The following APOBEC3C variants were observed in gnomAD, a reference collection of about 807,000 sequenced individuals.
APOBEC3C encodes the protein apolipoprotein B mRNA editing enzyme catalytic subunit 3C, also known as DNA dC->dU-editing enzyme APOBEC-3C.
A neutral mutation model predicts 20.6 loss-of-function variants in APOBEC3C; 14 were observed. The observed-to-expected ratio is 0.68, with a 90% confidence interval of 0.45 to 1.06. The LOEUF (loss-of-function observed/expected upper bound fraction) is 1.06. Among genes scored for constraint, APOBEC3C ranks in the 50% least tolerant of loss-of-function variants. The pLI is 0.00. For synonymous variants in APOBEC3C, 98 were observed against 88.8 expected (o/e 1.10, Z -0.58); for missense variants, 244 against 241.9 (o/e 1.01, Z -0.06).
In APOBEC3C at chr22:39,014,270, C is replaced by A; in HGVS notation, c.-93C>A. ...CCCTGGGAGGTCACTTTAAAGAGGG[C>A]TGCTCAACTGCAAGGACGCTGTAAG... On this transcript the variant is annotated 5_prime_UTR_variant, in exon 1 of 4. It adds an upstream start codon to the 5' untranslated region. Coordinates refer to ENST00000361441, the MANE Select transcript of APOBEC3C (RefSeq NM_014508.3). The A allele has an allele frequency of 1.3e-6, 2 of 1,533,122 alleles. No homozygotes were observed. The highest frequency in any genetic ancestry group is 1.8e-6 in the Non-Finnish European group (2 of 1,107,614). 95.0% of individuals were successfully genotyped at this position (1,533,122 alleles called of 1,614,324 possible). A position where few individuals can be genotyped will look rare whatever the true frequency, so the allele number is the denominator to read the frequency against.
chr22:39,015,872 C>CTTT, intron 2 of APOBEC3C, 121 bp downstream of exon 2: 2 of 724,914 alleles, frequency 2.8e-6, no homozygotes, highest in Non-Finnish European at 4.0e-6. Flanking sequence ...TGCCACATTT[C>CTTT]TATTTTTTTT....
rs770463545 is a variant in APOBEC3C, at chr22:39,017,999, C to T, written c.408C>T (p.Arg136=). ...FQYPCYQEGL[R]SLSQEGVAVE... is the part of the protein sequence containing the mutation. ...ATCCATGTTACCAGGAGGGGCTCCG[C>T]AGCCTGAGTCAGGAAGGGGTCGCTG... The change falls in exon 3 of 4, where the codon CGC becomes CGT. Residue 136 remains arginine, a synonymous_variant. Transcript: ENST00000361441. 11 of 1,614,048 alleles carry T rather than the reference C, an allele frequency of 6.8e-6. No homozygotes were observed. The highest frequency in any genetic ancestry group is 3.3e-4 in the Middle Eastern group (2 of 6,084).
In APOBEC3C at chr22:39,017,998, G is replaced by A. The variant is rs138675963; in HGVS notation, c.407G>A (p.Arg136His). 5.6e-6 allele frequency: 9 copies of A among 1,614,040 alleles called. No homozygotes were observed. The highest frequency in any genetic ancestry group is 2.2e-5 in the East Asian group (1 of 44,888). ...FQYPCYQEGL[R>H]SLSQEGVAVE... ...TATCCATGTTACCAGGAGGGGCTCC[G>A]CAGCCTGAGTCAGGAAGGGGTCGCT... is the stretch of plus-strand genomic sequence containing the variant. Residue 136 changes from arginine to histidine, a missense_variant, in exon 3 of 4, where the codon CGC becomes CAC. By Grantham distance (29) the Arg-to-His change is conservative. Transcript: ENST00000361441.
intron 1 of APOBEC3C, among the ~76,000 whole-genome samples, chr22:39,015,379 GA>G (rs1924742228): frequency 6.6e-6 from 1 of 151,930 alleles, no homozygotes; most frequent in Non-Finnish European, 1.5e-5. Context: ...CCAGCTAGGA[GA>G]GGTCACCCCG....
At chr22:39,015,864 C>T in intron 2 of APOBEC3C, 113 bp downstream of exon 2, 2 of 933,898 alleles carry the variant, frequency 2.1e-6, no homozygotes, top group Non-Finnish European at 3.0e-6. Context: ...CACTTTCCTG[C>T]CACATTTCTA....
At chr22:39,018,169 C>T in intron 3 of APOBEC3C, 100 bp from the exon 4 acceptor site, 2 of 1,568,352 alleles carry the variant, frequency 1.3e-6, no homozygotes, top group Non-Finnish European at 1.7e-6. Context: ...CCAGCGCCCA[C>T]TGCAACTGGC....
At chr22:39,017,234 A>T (rs988034957) in intron 2 of APOBEC3C, among the ~76,000 whole-genome samples, 3 of 152,138 alleles carry the variant, frequency 2.0e-5, no homozygotes, top group Non-Finnish European at 4.4e-5. Flanking sequence ...TCCATCTTTG[A>T]AAAAAATAAA....
At position 39,017,780 on chromosome 22, in the gene APOBEC3C, C is replaced by T. The variant is rs1272081828; in HGVS notation, c.189C>T (p.Thr63=). ...TCCTTCGCCAGGTGGATTCTGAGACCCATTGTCATGCAGAAAGGTGCTTCC... is the reference window on the plus strand; with the variant it reads ...TCCTTCGCCAGGTGGATTCTGAGACTCATTGTCATGCAGAAAGGTGCTTCC... ...GVFRNQVDSE[T]HCHAERCFLS... is the part of the protein sequence containing the mutation. The change falls in exon 3 of 4, where the codon ACC becomes ACT. Residue 63 remains threonine, a synonymous_variant. Coordinates refer to ENST00000361441, the MANE Select transcript of APOBEC3C (RefSeq NM_014508.3). The T allele has an allele frequency of 6.2e-7, 1 of 1,613,192 alleles. No homozygotes were observed. The highest frequency in any genetic ancestry group is 8.5e-7 in the Non-Finnish European group (1 of 1,179,310).
At position 39,018,420 on chromosome 22, in the gene APOBEC3C, C is replaced by G. The variant is rs769474230; in HGVS notation, c.*33C>G. 1.9e-6 allele frequency: 3 copies of G among 1,604,768 alleles called. No homozygotes were observed. The highest frequency in any genetic ancestry group is 3.4e-5 in the Admixed American group (2 of 58,934). On this transcript the variant is annotated 3_prime_UTR_variant, in exon 4 of 4. Coordinates refer to ENST00000361441, the MANE Select transcript of APOBEC3C (RefSeq NM_014508.3). ...CCCTGGGCCTCATGGTCTGTCTCCT[C>G]TAGCCTCCTGCTCATGCTGCACGGG...
rs1322275584 is a variant in APOBEC3C at position 39,018,653 on chromosome 22, T to C, written c.*266T>C. On this transcript the variant is annotated 3_prime_UTR_variant, in exon 4 of 4. Transcript: ENST00000361441. ...CAGCCTGCGTGCCCCTAACCTGGCT[T>C]TTCCCATCTCCCCAGCATAACCAAA... The C allele has an allele frequency of 9.3e-6, 3 of 323,326 alleles. No individual in the cohort carries two copies. Among genetic ancestry groups the C allele is most frequent in the Non-Finnish European group, 1.7e-5 (3 of 173,816 alleles). The allele number at this position is 323,326 out of a possible 1,614,324, so 20.0% of individuals were successfully genotyped here. A position where few individuals can be genotyped will look rare whatever the true frequency, so the allele number is the denominator to read the frequency against.
At chr22:39,014,740 A>C (rs984176819) in intron 1 of APOBEC3C, among the ~76,000 whole-genome samples, 1 of 152,212 alleles carries the variant, frequency 6.6e-6, no homozygotes, top group Non-Finnish European at 1.5e-5. Context: ...TGATTTGAGC[A>C]ATCAGGCATT....
chr22:39,016,518 C>G, intron 2 of APOBEC3C, among the ~76,000 whole-genome samples: 1 of 151,794 alleles, frequency 6.6e-6, no homozygotes, highest in East Asian at 1.9e-4. Flanking sequence ...TGCCCGGCCT[C>G]CCCACATTTT....
intron 1 of APOBEC3C, among the ~76,000 whole-genome samples, chr22:39,014,677 G>A (rs994348623): frequency 1.3e-5 from 2 of 152,208 alleles, no homozygotes; most frequent in Non-Finnish European, 2.9e-5. Flanking sequence ...CTTCCTCTGT[G>A]TGCTTCCCAC....
chr22:39,017,684 C>G, intron 2 of APOBEC3C, 82 bp from the exon 3 acceptor site: 1 of 1,522,112 alleles, frequency 6.6e-7, no homozygotes, highest in Middle Eastern at 1.8e-4. Context: ...TCCAGGCCCG[C>G]CCTCTGCTCC....
intron 3 of APOBEC3C, 21 bp downstream of exon 3, chr22:39,018,066 G>T (rs773788684): frequency 6.2e-7 from 1 of 1,612,574 alleles, no homozygotes; most frequent in East Asian, 2.2e-5. Flanking sequence ...GGGGGCTGAG[G>T]AGAGTGGGTG....
chr22:39,019,374 CCTT>C lies in APOBEC3C; in HGVS notation c.*990_*992del, dbSNP rs1924933243. On this transcript the variant is annotated 3_prime_UTR_variant, in exon 4 of 4. Transcript: ENST00000361441. ...TTACATAGGGCAAGAGAACATTTCT[CCTT>C]CTATAATTGCCATCTCTTTGCTCTC... The C allele has an allele frequency of 6.6e-6, 1 of 152,226 alleles. No individual in the cohort carries two copies. The highest frequency in any genetic ancestry group is 1.5e-5 in the Non-Finnish European group (1 of 68,046). 9.4% of individuals were successfully genotyped at this position (152,226 alleles called of 1,614,324 possible).
rs201038131 is a variant in APOBEC3C at position 39,017,997 on chromosome 22, C to G, written c.406C>G (p.Arg136Gly). 5 of 1,613,992 alleles carry G rather than the reference C, an allele frequency of 3.1e-6. No homozygotes were observed. The highest frequency in any genetic ancestry group is 4.2e-6 in the Non-Finnish European group (5 of 1,180,030). The change falls in exon 3 of 4, where the codon CGC becomes GGC. Residue 136 changes from arginine (R) to glycine (G), a missense_variant. Arg to Gly is a moderately radical substitution (Grantham distance 125). Transcript: ENST00000361441. Reference protein sequence around the residue: ...FQYPCYQEGLRSLSQEGVAVE... With the variant: ...FQYPCYQEGLGSLSQEGVAVE... The stretch of plus-strand genomic sequence containing the variant: ...GTATCCATGTTACCAGGAGGGGCTC[C>G]GCAGCCTGAGTCAGGAAGGGGTCGC...
At chr22:39,018,157 G>A (rs990938169) in intron 3 of APOBEC3C, 112 bp downstream of exon 3, 3 of 1,573,152 alleles carry the variant, frequency 1.9e-6, no homozygotes, top group South Asian at 2.4e-5. Context: ...GTGGGGACCG[G>A]GCCAGCGCCC....
intron 2 of APOBEC3C, among the ~76,000 whole-genome samples, chr22:39,016,446 T>G (rs1924790118): frequency 6.8e-6 from 1 of 147,500 alleles, no homozygotes; most frequent in Admixed American, 6.8e-5. Context: ...CTCGATCTCC[T>G]GACCTCATGA....
Sources: allele counts gnomAD v4.1 joint callset (sites outside exome capture counted in the v4.1 genomes callset), GRCh38; gene constraint gnomAD v4.1.1; transcripts MANE v1.5; gene names NCBI Gene and HGNC (gene_info 2026-07-23, HGNC 2026-07-21).